The following SMCO4 variants were observed in gnomAD, a reference collection of about 807,000 sequenced individuals.
SMCO4 encodes the protein single-pass membrane and coiled-coil domain-containing protein 4.
SMCO4 carries 4 observed loss-of-function variants against 3.6 expected under a neutral mutation model. The observed-to-expected ratio is 1.11, with a 90% CI of 0.54 to 2.53. The LOEUF (loss-of-function observed/expected upper bound fraction) is 2.53. SMCO4 is among the 30% of genes most tolerant of loss of function. SMCO4 has a pLI of 0.02. For synonymous variants in SMCO4, 36 were observed against 35.3 expected (o/e 1.02, Z -0.07); for missense variants, 70 against 80.8 (o/e 0.87, Z 0.51).
intron 1 of SMCO4, among the ~76,000 whole-genome samples, chr11:93,512,660 G>A (rs1211025802): frequency 6.6e-6 from 1 of 152,184 alleles, no homozygotes; most frequent in Non-Finnish European, 1.5e-5. Context: ...GGAGCAATAG[G>A]CTATAGACAC....
intron 2 of SMCO4, among the ~76,000 whole-genome samples, chr11:93,493,931 A>G (rs1201258791): frequency 6.6e-6 from 1 of 152,066 alleles, no homozygotes; most frequent in African/African-American, 2.4e-5. Flanking sequence ...TCTACATCAG[A>G]TTGTTCTCCC....
intron 1 of SMCO4, among the ~76,000 whole-genome samples, chr11:93,540,550 C>T (rs1243985953): frequency 6.6e-6 from 1 of 152,244 alleles, no homozygotes; most frequent in South Asian, 2.1e-4. Flanking sequence ...ATTTAACTAG[C>T]ACAACCCTGT....
At chr11:93,507,454 C>T (rs1007442885) in intron 1 of SMCO4, among the ~76,000 whole-genome samples, 5 of 152,094 alleles carry the variant, frequency 3.3e-5, no homozygotes, top group African/African-American at 1.2e-4. Flanking sequence ...TTTAGAGCAT[C>T]TCAATACTTA....
intron 1 of SMCO4, among the ~76,000 whole-genome samples, chr11:93,508,825 A>G (rs1948932008): frequency 6.6e-6 from 1 of 152,162 alleles, no homozygotes. Flanking sequence ...ATCAGCACAC[A>G]CTCCACCACT....
intron 1 of SMCO4, chr11:93,535,337 C>G (rs1040424529): frequency 4.0e-5 from 24 of 601,084 alleles, no homozygotes; most frequent in Non-Finnish European, 6.4e-5. Context: ...GTTTGGTTCC[C>G]TCATCTTCTA....
At chr11:93,484,120 C>T (rs1247593839) in intron 2 of SMCO4, among the ~76,000 whole-genome samples, 1 of 152,128 alleles carries the variant, frequency 6.6e-6, no homozygotes, top group African/African-American at 2.4e-5. Context: ...ATGCTCCTAC[C>T]CCCCACCAGC....
At chr11:93,537,633 C>G (rs1482553849) in intron 1 of SMCO4, among the ~76,000 whole-genome samples, 1 of 151,948 alleles carries the variant, frequency 6.6e-6, no homozygotes, top group African/African-American at 2.4e-5. Context: ...AAGAGGTAGG[C>G]ATGACAGCTC....
Position 93,542,702 on chromosome 11 carries a change from G to A in SMCO4, c.-154+574C>T, listed in dbSNP as rs1429252804. On this transcript the variant is annotated intron_variant, in intron 1 of 2. Coordinates refer to ENST00000298966, the MANE Select transcript of SMCO4 (RefSeq NM_020179.3). ...CTCAGGGTCGGTCCCGAAAGAACGG[G>A]GGAGGAGGAAGGCTCTATCCCGCCC... 2.6e-5 allele frequency among the ~76,000 whole-genome samples: 4 copies of A among 152,144 alleles called. No homozygotes were observed. The South Asian group carries it at 8.3e-4, about 32-fold the overall frequency.
intron 1 of SMCO4, among the ~76,000 whole-genome samples, chr11:93,533,130 T>C (rs1387350533): frequency 6.6e-6 from 1 of 152,156 alleles, no homozygotes; most frequent in Non-Finnish European, 1.5e-5. Context: ...GCTCATTTAT[T>C]CGATAAATAA....
At position 93,541,769 on chromosome 11, in the gene SMCO4, T is replaced by G. The variant is rs1949273156; in HGVS notation, c.-154+1507A>C. The stretch of plus-strand genomic sequence containing the variant: ...GTTGTTTTGCTTTTTGCAATATTTC[T>G]TCTCATATTTTATTTTAAATCTAAG... On this transcript the variant is annotated intron_variant, in intron 1 of 2. Coordinates refer to ENST00000298966, the MANE Select transcript of SMCO4 (RefSeq NM_020179.3). 1.3e-5 allele frequency among the ~76,000 whole-genome samples: 2 copies of G among 152,360 alleles called. 1 individual carries two copies. The highest frequency in any genetic ancestry group is 4.1e-4 in the South Asian group (2 of 4,830).
At chr11:93,550,631 C>T in the SMCO4 span, among the ~76,000 whole-genome samples, 2 of 152,172 alleles carry the variant, frequency 1.3e-5, no homozygotes, top group Admixed American at 6.5e-5. Flanking sequence ...GCTGTTATCG[C>T]ACCATTGCAC....
At chr11:93,512,358 T>C (rs1380812818) in intron 1 of SMCO4, among the ~76,000 whole-genome samples, 2 of 152,214 alleles carry the variant, frequency 1.3e-5, no homozygotes, top group Non-Finnish European at 2.9e-5. Context: ...TACTCCGTGT[T>C]TGTGGTGATG....
intron 1 of SMCO4, among the ~76,000 whole-genome samples, chr11:93,520,140 G>A (rs979041392): frequency 6.6e-6 from 1 of 152,184 alleles, no homozygotes; most frequent in South Asian, 2.1e-4. Context: ...GGGGCAGAAC[G>A]TTTGTACTAG....
chr11:93,492,744 G>C lies in SMCO4; in HGVS notation c.-81+6532C>G, dbSNP rs150713797. Reference sequence around the variant, plus strand: ...GGGTAGCAAGGGGCCAGGGCGACCAGAGCAGAACGAGTTGATGAACGATGA... The same window carrying C: ...GGGTAGCAAGGGGCCAGGGCGACCACAGCAGAACGAGTTGATGAACGATGA... On this transcript the variant is annotated intron_variant, in intron 2 of 2. Coordinates refer to ENST00000298966, the MANE Select transcript of SMCO4 (RefSeq NM_020179.3). Among the ~76,000 whole-genome samples the C allele has an allele frequency of 1.5e-3, 224 of 152,306 alleles. 2 individuals carry two copies. Among genetic ancestry groups the C allele is most frequent in the Middle Eastern group, 6.8e-3 (2 of 294 alleles).
At chr11:93,498,108 CCCA>C in intron 2 of SMCO4, among the ~76,000 whole-genome samples, 1 of 152,212 alleles carries the variant, frequency 6.6e-6, no homozygotes, top group East Asian at 1.9e-4. Flanking sequence ...CACACTGAAG[CCCA>C]ATACACGTCA....
At position 93,535,486 on chromosome 11, in the gene SMCO4, C is replaced by T. The variant is rs940936098; in HGVS notation, c.-154+7790G>A. ...TCGCCGCGATGGTGTTGTTGGAGAGCGAGCAGCTCCTGACGGAGCTGACCA... is the reference window on the plus strand; with the variant it reads ...TCGCCGCGATGGTGTTGTTGGAGAGTGAGCAGCTCCTGACGGAGCTGACCA... On this transcript the variant is annotated intron_variant, in intron 1 of 2. Coordinates refer to ENST00000298966, the MANE Select transcript of SMCO4 (RefSeq NM_020179.3). 9.3e-6 allele frequency: 13 copies of T among 1,394,524 alleles called. No individual in the cohort carries two copies. In the East Asian group the frequency reaches 1.8e-4, roughly 20 times the overall value. 86.4% of individuals were successfully genotyped at this position (1,394,524 alleles called of 1,614,324 possible). A position where few individuals can be genotyped will look rare whatever the true frequency, so the allele number is the denominator to read the frequency against.
the SMCO4 span, among the ~76,000 whole-genome samples, chr11:93,551,219 A>G: frequency 3.3e-5 from 5 of 152,346 alleles, no homozygotes; most frequent in Admixed American, 3.3e-4. Flanking sequence ...AAGAGAAAGA[A>G]CAAGGTTCTA....
At chr11:93,498,607 GA>G (rs1948802628) in intron 2 of SMCO4, among the ~76,000 whole-genome samples, 1 of 152,026 alleles carries the variant, frequency 6.6e-6, no homozygotes, top group Admixed American at 6.5e-5. Context: ...AATCAAATGT[GA>G]AAAAAAAGTA....
intron 1 of SMCO4, among the ~76,000 whole-genome samples, chr11:93,534,373 T>TAGAGAGAGAGAGAG (rs559386704): frequency 7.5e-6 from 1 of 134,186 alleles, no homozygotes; most frequent in African/African-American, 2.8e-5. Flanking sequence ...TATATATATA[T>TAGAGAGAGAGAGAG]ATAGAGAGAG....
Sources: gnomAD v4.1 joint callset for allele counts (sites outside exome capture counted in the v4.1 genomes callset) on GRCh38, gnomAD v4.1.1 for gene constraint, MANE v1.5 for transcripts, NCBI Gene and HGNC (gene_info 2026-07-23, HGNC 2026-07-21) for gene names.